The following CACNA1C variants were observed in gnomAD, a reference collection of about 807,000 sequenced individuals.
CACNA1C encodes voltage-dependent L-type calcium channel subunit alpha-1C.
A neutral mutation model predicts 229.0 loss-of-function variants in CACNA1C; 30 were observed. The ratio of observed to expected loss-of-function variants is 0.13; its 90% confidence interval spans 0.10 to 0.18. The LOEUF (loss-of-function observed/expected upper bound fraction) is 0.18. CACNA1C is among the 10% of genes least tolerant of loss of function. The pLI is 1.00. For missense variants in CACNA1C, 1,658 were observed against 2,845.0 expected, an observed-to-expected ratio of 0.58 and a Z score of 9.49; for synonymous variants, 1,114 against 1,132.5, an observed-to-expected ratio of 0.98 and a Z score of 0.33.
At chr12:2,560,301 C>CAGTT (rs2046771836) in intron 11 of CACNA1C, among the ~76,000 whole-genome samples, 1 of 152,226 alleles carries the variant, frequency 6.6e-6, no homozygotes, top group East Asian at 1.9e-4. Flanking sequence ...AACAGTTTAA[C>CAGTT]AATTACAGAT....
At chr12:2,071,172 C>CCCTCCCTCCCTCCCTTCCTG (rs1555115765) in intron 1 of CACNA1C, among the ~76,000 whole-genome samples, 3 of 16,042 alleles carry the variant, frequency 1.9e-4, no homozygotes, top group African/African-American at 7.8e-4. Context: ...CTCCCTCCCT[C>CCCTCCCTCCCTCCCTTCCTG]CCTGCCTGCC....
rs2059706016 is a variant in CACNA1C at position 2,215,305 on chromosome 12, C to T, written c.477+94875C>T. ...CATCATTCCCTTTCTGCGAGCTTGC[C>T]CACTTGCTAGGATGGATCCTGGTCA... is the stretch of plus-strand genomic sequence containing the variant. On this transcript the variant is annotated intron_variant, in intron 3 of 46. Transcript: ENST00000399655. This position sits in a 1 kb window ranked among gnomAD's most constrained non-coding sequence, Gnocchi z 5.0. Among the ~76,000 whole-genome samples the T allele has an allele frequency of 1.3e-5, 2 of 152,244 alleles. No individual in the cohort carries two copies. The highest frequency in any genetic ancestry group is 2.1e-4 in the South Asian group (1 of 4,828).
chr12:2,558,251 G>C (rs544313508), intron 11 of CACNA1C, among the ~76,000 whole-genome samples: 36 of 152,364 alleles, frequency 2.4e-4, no homozygotes, highest in African/African-American at 6.5e-4. Context: ...CGAGCCCTCT[G>C]GATGCTTGCT....
rs182394984 is a variant in CACNA1C, at chr12:2,326,855, T to A, written c.478-122121T>A. Reference sequence around the variant, plus strand: ...GAGAGACGATCTGGTTCAATTGTCCTTAACCAGGGTAGGCATCAACAACTG... The same window carrying A: ...GAGAGACGATCTGGTTCAATTGTCCATAACCAGGGTAGGCATCAACAACTG... On this transcript the variant is annotated intron_variant, in intron 3 of 46. Coordinates refer to ENST00000399655, the MANE Select transcript of CACNA1C (RefSeq NM_000719.7). Among the ~76,000 whole-genome samples, 302 of 152,352 alleles carry A rather than the reference T, an allele frequency of 2.0e-3. 2 individuals carry two copies. The highest frequency in any genetic ancestry group is 5.2e-3 in the South Asian group (25 of 4,826).
intron 1 of CACNA1C, among the ~76,000 whole-genome samples, chr12:2,096,315 C>A (rs1392548114): frequency 6.6e-6 from 1 of 152,188 alleles, no homozygotes; most frequent in East Asian, 1.9e-4. Context: ...TCTTTGCATC[C>A]TTCTCTGGGC....
intron 9 of CACNA1C, among the ~76,000 whole-genome samples, chr12:2,533,221 A>G (rs537938214): frequency 1.1e-4 from 17 of 152,266 alleles, no homozygotes; most frequent in South Asian, 2.1e-4. Flanking sequence ...TTCTCCTTCA[A>G]TGTGCTTGGC....
intron 21 of CACNA1C, among the ~76,000 whole-genome samples, chr12:2,600,593 C>G (rs1329657342): frequency 1.3e-5 from 2 of 152,204 alleles, no homozygotes; most frequent in African/African-American, 4.8e-5. Flanking sequence ...ACCACTGGCC[C>G]TTACGCAAGT....
At chr12:2,461,563 A>G (rs569420351) in intron 5 of CACNA1C, among the ~76,000 whole-genome samples, 1 of 152,072 alleles carries the variant, frequency 6.6e-6, no homozygotes, top group East Asian at 1.9e-4. Context: ...CAAACCTCAG[A>G]CTTGTATCCC....
intron 1 of CACNA1C, among the ~76,000 whole-genome samples, chr12:2,110,901 G>A (rs1260341780): frequency 2.4e-5 from 3 of 123,046 alleles, no homozygotes; most frequent in Non-Finnish European, 5.4e-5. Flanking sequence ...AGAAGGGGAG[G>A]CCCAGGCCCG....
intron 4 of CACNA1C, 89 bp downstream of exon 4, chr12:2,449,204 A>G: frequency 1.0e-6 from 1 of 979,478 alleles, no homozygotes; most frequent in Admixed American, 3.4e-5. Flanking sequence ...TCGTTGTCAG[A>G]CGGCCACAAA....
intron 3 of CACNA1C, among the ~76,000 whole-genome samples, chr12:2,298,744 G>C (rs2094308297): frequency 6.6e-6 from 1 of 152,230 alleles, no homozygotes; most frequent in Non-Finnish European, 1.5e-5. Flanking sequence ...TTGGCTTCTT[G>C]TTCCATGTTG....
At chr12:2,373,680 G>T (rs2097932928) in intron 3 of CACNA1C, among the ~76,000 whole-genome samples, 1 of 152,202 alleles carries the variant, frequency 6.6e-6, no homozygotes, top group Non-Finnish European at 1.5e-5. Flanking sequence ...TATTTCAGAA[G>T]GGAAACAACA....
At chr12:2,407,968 C>G (rs973095716) in intron 3 of CACNA1C, among the ~76,000 whole-genome samples, 1 of 152,228 alleles carries the variant, frequency 6.6e-6, no homozygotes, top group Admixed American at 6.5e-5. Context: ...ACTCTTCCCC[C>G]AGCAAAGGCC....
rs1203252467 is a variant in CACNA1C, at chr12:2,493,535, C to T, written c.1113+149C>T. The stretch of plus-strand genomic sequence containing the variant: ...GATGAAGAGCGTCTTTGATTTCTTC[C>T]AGGTCTTGCCTGAGAAACAAGGCAT... On this transcript the variant is annotated intron_variant, in intron 7 of 46. Coordinates refer to ENST00000399655, the MANE Select transcript of CACNA1C (RefSeq NM_000719.7). The surrounding 1 kb of genome is among the most constrained non-coding windows in gnomAD (Gnocchi z 4.6). The T allele has an allele frequency of 2.9e-6, 2 of 686,566 alleles. No individual in the cohort carries two copies. Among genetic ancestry groups the T allele is most frequent in the African/African-American group, 3.6e-5 (2 of 55,964 alleles). The allele number at this position is 686,566 out of a possible 1,614,324, so 42.5% of individuals were successfully genotyped here. A position where few individuals can be genotyped will look rare whatever the true frequency, so the allele number is the denominator to read the frequency against.
chr12:2,504,740 G>C lies in CACNA1C; in HGVS notation c.1114-102G>C. On this transcript the variant is annotated intron_variant, in intron 7 of 46. Coordinates refer to ENST00000399655, the MANE Select transcript of CACNA1C (RefSeq NM_000719.7). This position sits in a 1 kb window ranked among gnomAD's most constrained non-coding sequence, Gnocchi z 6.8. ...CTGATTTGCACCTAGAGGGTCCCCG[G>C]ATCCTGGCGCTGCGTGGGTCAGTGT... 5.0e-6 allele frequency: 4 copies of C among 806,756 alleles called. No individual in the cohort carries two copies. Among genetic ancestry groups the C allele is most frequent in the Non-Finnish European group, 8.5e-6 (4 of 468,338 alleles). The allele number at this position is 806,756 out of a possible 1,614,324, so 50.0% of individuals were successfully genotyped here.
intron 3 of CACNA1C, among the ~76,000 whole-genome samples, chr12:2,238,696 G>C (rs1346389294): frequency 1.3e-5 from 2 of 152,216 alleles, no homozygotes; most frequent in African/African-American, 4.8e-5. Flanking sequence ...TCCAAGGAGA[G>C]TGTCCTGGAA....
In CACNA1C at chr12:2,601,228, C is replaced by G. The variant is rs999757141; in HGVS notation, c.2854-626C>G. On this transcript the variant is annotated intron_variant, in intron 21 of 46. Transcript: ENST00000399655. The surrounding 1 kb of genome is among the most constrained non-coding windows in gnomAD (Gnocchi z 5.9). The stretch of plus-strand genomic sequence containing the variant: ...TTTGAGGCCAGGAAGGGGAGGTATG[C>G]TAATTGCCAGGGTCACCACTGGAAC... 1.3e-5 allele frequency among the ~76,000 whole-genome samples: 2 copies of G among 152,218 alleles called. No homozygotes were observed. The highest frequency in any genetic ancestry group is 2.4e-5 in the African/African-American group (1 of 41,460).
chr12:2,311,392 A>G (rs916336834), intron 3 of CACNA1C, among the ~76,000 whole-genome samples: 41 of 152,214 alleles, frequency 2.7e-4, no homozygotes, highest in African/African-American at 8.4e-4. Context: ...CAAGCCTGCA[A>G]TTAACTGTTT....
intron 3 of CACNA1C, among the ~76,000 whole-genome samples, chr12:2,376,534 G>A (rs775920901): frequency 1.5e-4 from 23 of 152,180 alleles, no homozygotes; most frequent in South Asian, 4.1e-4. Context: ...GCGGACAGGT[G>A]GACGAATAAA....
Sources: gnomAD v4.1 joint callset for allele counts (sites outside exome capture counted in the v4.1 genomes callset) on GRCh38, gnomAD v4.1.1 for gene constraint, Gnocchi (gnomAD v3.1) non-coding constraint, MANE v1.5 for transcripts, NCBI Gene and HGNC (gene_info 2026-07-23, HGNC 2026-07-21) for gene names.